Variants in COL5A2 observed in about 807,000 individuals in gnomAD.
COL5A2 encodes collagen alpha-2(V) chain.
A neutral mutation model predicts 208.2 loss-of-function variants in COL5A2; 23 were observed. The observed-to-expected ratio is 0.11, with a 90% CI of 0.08 to 0.16. COL5A2 has a LOEUF of 0.16. Ranked by LOEUF, COL5A2 falls within the 10% of genes least tolerant of loss-of-function variation. COL5A2 has a pLI of 1.00. For synonymous variants in COL5A2, 625 were observed against 628.5 expected, an observed-to-expected ratio of 0.99 and a Z score of 0.08; for missense variants, 1,590 against 1,956.4, an observed-to-expected ratio of 0.81 and a Z score of 3.53.
At chr2:189,254,808 G>A in the COL5A2 span, among the ~76,000 whole-genome samples, 1 of 152,142 alleles carries the variant, frequency 6.6e-6, no homozygotes, top group Non-Finnish European at 1.5e-5. Context: ...AGGCCAATTT[G>A]GGAAGCAAAC....
intron 3 of COL5A2, among the ~76,000 whole-genome samples, chr2:189,103,757 G>A (rs963585865): frequency 5.9e-5 from 9 of 151,996 alleles, no homozygotes; most frequent in African/African-American, 2.2e-4. Context: ...GGGAAGAAAT[G>A]TCTGTTTGGT....
intron 16 of COL5A2, among the ~76,000 whole-genome samples, chr2:189,077,713 A>G (rs1226548210): frequency 6.6e-6 from 1 of 152,184 alleles, no homozygotes; most frequent in Non-Finnish European, 1.5e-5. Flanking sequence ...TACACTTTCC[A>G]AATCAGGGCC....
At chr2:189,035,829 G>A (rs1685433778) in intron 52 of COL5A2, among the ~76,000 whole-genome samples, 1 of 152,002 alleles carries the variant, frequency 6.6e-6, no homozygotes, top group Non-Finnish European at 1.5e-5. Context: ...AGAAGCAGAA[G>A]TGAGAAGAAA....
At chr2:189,272,595 G>A in the COL5A2 span, among the ~76,000 whole-genome samples, 1 of 152,056 alleles carries the variant, frequency 6.6e-6, no homozygotes, top group African/African-American at 2.4e-5. Flanking sequence ...AACCACCATG[G>A]CACATGTATA....
chr2:189,119,816 AAGG>A (rs891834573), intron 1 of COL5A2, among the ~76,000 whole-genome samples: 3 of 152,052 alleles, frequency 2.0e-5, no homozygotes, highest in African/African-American at 7.2e-5. Flanking sequence ...TTCCTAAACT[AAGG>A]AGTATAAAAT....
intron 13 of COL5A2, among the ~76,000 whole-genome samples, chr2:189,080,511 T>C (rs960544506): frequency 3.3e-5 from 5 of 152,166 alleles, no homozygotes; most frequent in African/African-American, 1.2e-4. Flanking sequence ...AGATAGATGA[T>C]AGATTCTACA....
At chr2:189,426,570 T>G in the COL5A2 span, among the ~76,000 whole-genome samples, 3 of 152,332 alleles carry the variant, frequency 2.0e-5, no homozygotes, top group African/African-American at 7.2e-5. Context: ...TCTAACCACC[T>G]TGGGCACATG....
the COL5A2 span, among the ~76,000 whole-genome samples, chr2:189,250,198 A>C: frequency 3.9e-5 from 6 of 152,346 alleles, no homozygotes; most frequent in African/African-American, 1.2e-4. Context: ...AATAGGGCTT[A>C]CTGTGTACAG....
the COL5A2 span, among the ~76,000 whole-genome samples, chr2:189,320,160 T>C: frequency 6.6e-6 from 1 of 152,058 alleles, no homozygotes; most frequent in Non-Finnish European, 1.5e-5. Context: ...CAAAAACCCA[T>C]CTGTACGTCA....
chr2:189,127,650 T>A (rs895950220), intron 1 of COL5A2, among the ~76,000 whole-genome samples: 2 of 152,040 alleles, frequency 1.3e-5, no homozygotes, highest in Admixed American at 1.3e-4. Flanking sequence ...GTTCTGAGAA[T>A]CAAATAGATG....
the COL5A2 span, among the ~76,000 whole-genome samples, chr2:189,259,202 T>C: frequency 6.6e-6 from 1 of 152,186 alleles, no homozygotes; most frequent in African/African-American, 2.4e-5. Context: ...AAAAATGCAC[T>C]AGGAGACAAT....
In COL5A2 at chr2:189,142,304, A is replaced by G. The variant is rs975892140; in HGVS notation, c.98-31855T>C. Among the ~76,000 whole-genome samples the G allele has an allele frequency of 9.2e-5, 14 of 152,218 alleles. No homozygotes were observed. In the East Asian group the frequency reaches 2.7e-3, roughly 29 times the overall value. ...TTTCTAAAATAAATGCTTAACATTT[A>G]TGATATATGTATACCATAGATTATA... On this transcript the variant is annotated intron_variant, in intron 1 of 53. Transcript: ENST00000374866.
chr2:189,080,648 C>T (rs184847303), intron 13 of COL5A2, among the ~76,000 whole-genome samples: 6 of 152,184 alleles, frequency 3.9e-5, no homozygotes, highest in Admixed American at 2.6e-4. Flanking sequence ...TCTACCATGT[C>T]ACCTATTACA....
At chr2:189,187,829 C>T (rs1167508980) in intron 1 of COL5A2, among the ~76,000 whole-genome samples, 2 of 151,860 alleles carry the variant, frequency 1.3e-5, no homozygotes, top group Non-Finnish European at 2.9e-5. Flanking sequence ...ATTAGCCAGG[C>T]GTGGTGGTGG....
intron 16 of COL5A2, among the ~76,000 whole-genome samples, chr2:189,077,884 T>C (rs1686444700): frequency 6.6e-6 from 1 of 152,228 alleles, no homozygotes; most frequent in Admixed American, 6.5e-5. Flanking sequence ...TAAAGCAAGG[T>C]AGGTCCAAAG....
chr2:189,084,170 G>T, intron 11 of COL5A2, 133 bp from the exon 12 acceptor site: 1 of 666,980 alleles, frequency 1.5e-6, no homozygotes, highest in Non-Finnish European at 2.6e-6. Context: ...TCTAAACAGT[G>T]CAAAAAATAA....
Position 189,088,785 on chromosome 2 carries a change from T to TA in COL5A2, c.568-14dup, listed in dbSNP as rs774711935. 1 of 1,608,538 alleles carries TA rather than the reference T, an allele frequency of 6.2e-7. No homozygotes were observed. Among genetic ancestry groups the TA allele is most frequent in the African/African-American group, 1.3e-5 (1 of 74,958 alleles). On this transcript the variant is annotated splice_polypyrimidine_tract_variant and intron_variant, in intron 7 of 53. Transcript: ENST00000374866. ...GAGCTGAAAACGGCTGTAAAAGCGA[T>TA]ATGTTGACATTATTTCTACAGTAAA... is the stretch of plus-strand genomic sequence containing the variant.
chr2:189,404,097 T>C, the COL5A2 span, among the ~76,000 whole-genome samples: 1 of 152,332 alleles, frequency 6.6e-6, no homozygotes, highest in African/African-American at 2.4e-5. Context: ...TCTTTTGTCA[T>C]TTAAATGTAA....
intron 47 of COL5A2, among the ~76,000 whole-genome samples, chr2:189,043,646 T>C (rs1447397886): frequency 1.3e-5 from 2 of 152,198 alleles, no homozygotes; most frequent in African/African-American, 4.8e-5. Flanking sequence ...TAGATTCTTT[T>C]AAATTAAAAC....
Sources: allele counts gnomAD v4.1 joint callset (sites outside exome capture counted in the v4.1 genomes callset), GRCh38; gene constraint gnomAD v4.1.1; transcripts MANE v1.5; gene names NCBI Gene and HGNC (gene_info 2026-07-23, HGNC 2026-07-21).